MID1: variants seen among roughly 807,000 people sequenced by gnomAD.
MID1 encodes E3 ubiquitin-protein ligase Midline-1.
In MID1, 7 loss-of-function variants were observed where a neutral mutation model predicts 40.4. The ratio of observed to expected loss-of-function variants is 0.17; its 90% CI spans 0.10 to 0.33. The LOEUF (loss-of-function observed/expected upper bound fraction) is 0.33. MID1 is among the 10% of genes least tolerant of loss of function. The probability of loss-of-function intolerance (pLI) is 1.00; values close to 1 mark genes in which losing one functional copy is unlikely to be tolerated. For synonymous variants in MID1, 229 were observed against 221.2 expected, an observed-to-expected ratio of 1.04 and a Z score of -0.31; for missense variants, 367 against 558.5, an observed-to-expected ratio of 0.66 and a Z score of 3.46.
chrX:10,635,236 G>A (rs1751671705), intron 1 of MID1, among the ~76,000 whole-genome samples: 1 of 111,904 alleles, frequency 8.9e-6, no homozygotes, highest in African/African-American at 3.2e-5. Context: ...ACATACTGTA[G>A]CTGCCAGTAT....
intron 2 of MID1, among the ~76,000 whole-genome samples, chrX:10,548,996 AT>A (rs1036409133): frequency 1.8e-5 from 2 of 110,326 alleles, no homozygotes; most frequent in Middle Eastern, 9.2e-3. Context: ...TTCTTAGCTG[AT>A]TTTTTTTTCT....
intron 2 of MID1, among the ~76,000 whole-genome samples, chrX:10,551,947 AT>A (rs748422347): frequency 1.8e-5 from 2 of 109,846 alleles, no homozygotes; most frequent in Admixed American, 9.7e-5. Context: ...CATGCCTGGA[AT>A]TTTTTTTTAT....
intron 1 of MID1, among the ~76,000 whole-genome samples, chrX:10,762,935 T>C (rs1396936443): frequency 7.1e-5 from 8 of 112,118 alleles, no homozygotes; most frequent in Non-Finnish European, 1.9e-5. Flanking sequence ...CTTTCCTTTA[T>C]GTTGTAGCCA....
intron 1 of MID1, among the ~76,000 whole-genome samples, chrX:10,723,118 A>G (rs1261299484): frequency 1.8e-5 from 2 of 111,987 alleles, no homozygotes; most frequent in African/African-American, 6.5e-5. Context: ...CAAAACCCCA[A>G]ACCACATGAA....
chrX:10,460,185 C>G (rs965603141), intron 7 of MID1: 16 of 263,971 alleles, frequency 6.1e-5, no homozygotes, highest in African/African-American at 3.7e-4. Context: ...TTTCTGTTGA[C>G]CCTTTGTGTC....
chrX:10,506,119 ATCAG>A, intron 3 of MID1: 1 of 837,603 alleles, frequency 1.2e-6, no homozygotes, highest in Non-Finnish European at 1.4e-6. Context: ...ATTCTAGAAT[ATCAG>A]GAGAAGTGAG....
In MID1 at chrX:10,567,243, C is replaced by T. The variant is rs200381037; in HGVS notation, c.305G>A (p.Arg102Gln). The change falls in exon 2 of 10, where the codon CGG (arginine) becomes CAG (glutamine). Residue 102 changes from arginine (R) to glutamine (Q), a missense_variant. This residue lies in a region of MID1 where 78 missense variants were observed against 112.6 expected (regional missense o/e 0.69). Coordinates refer to ENST00000317552, the MANE Select transcript of MID1 (RefSeq NM_000381.4). ...SGPNSPSETR[R>Q]ERAFDANTMT... ...GGTGTTGGCGTCAAAGGCCCGCTCC[C>T]GACGGGTCTCGCTGGGAGAGTTGGG... The T allele has an allele frequency of 1.1e-4, 129 of 1,207,162 alleles. No individual in the cohort carries two copies. Among genetic ancestry groups the T allele is most frequent in the Non-Finnish European group, 3.0e-5 (27 of 893,365 alleles).
At chrX:10,746,992 T>C (rs1396395401) in intron 1 of MID1, among the ~76,000 whole-genome samples, 1 of 110,637 alleles carries the variant, frequency 9.0e-6, no homozygotes, top group Non-Finnish European at 1.9e-5. Context: ...ATAGCGTGAG[T>C]TGCTATGGAG....
intron 1 of MID1, among the ~76,000 whole-genome samples, chrX:10,703,038 T>A (rs1316251424): frequency 8.9e-6 from 1 of 111,995 alleles, no homozygotes; most frequent in Non-Finnish European, 1.9e-5. Context: ...GTGAAAAAAA[T>A]GTCTGCTGTT....
chrX:10,756,805 T>C (rs1569162937), intron 1 of MID1, among the ~76,000 whole-genome samples: 1 of 112,138 alleles, frequency 8.9e-6, no homozygotes, highest in Non-Finnish European at 1.9e-5. Context: ...GTGGCATATA[T>C]AGATTTCCAG....
chrX:10,704,213 A>G (rs749569192), intron 1 of MID1, among the ~76,000 whole-genome samples: 3 of 112,336 alleles, frequency 2.7e-5, no homozygotes, highest in African/African-American at 9.7e-5. Flanking sequence ...CTTACTTTTT[A>G]AAGTGGTTAT....
intron 8 of MID1, among the ~76,000 whole-genome samples, chrX:10,456,753 C>T (rs926317290): frequency 8.9e-6 from 1 of 111,888 alleles, no homozygotes; most frequent in Admixed American, 9.5e-5. Flanking sequence ...ACGAGTATCA[C>T]TTGAACCCGG....
intron 1 of MID1, among the ~76,000 whole-genome samples, chrX:10,641,268 G>C (rs1164499185): frequency 9.0e-6 from 1 of 111,446 alleles, no homozygotes; most frequent in African/African-American, 3.3e-5. Context: ...TTGATAGACT[G>C]CTAGCAAGAT....
intron 1 of MID1, among the ~76,000 whole-genome samples, chrX:10,675,831 G>A (rs1486751726): frequency 9.0e-6 from 1 of 111,567 alleles, no homozygotes; most frequent in African/African-American, 3.3e-5. Flanking sequence ...TGAAGGAAAC[G>A]TGTACCTATT....
intron 1 of MID1, among the ~76,000 whole-genome samples, chrX:10,814,562 G>A (rs772478410): frequency 1.0e-5 from 1 of 96,654 alleles, no homozygotes; most frequent in South Asian, 5.1e-4. Context: ...GATTTCTTCA[G>A]TTTTGCTTGT....
intron 1 of MID1, among the ~76,000 whole-genome samples, chrX:10,734,726 T>C (rs1452897927): frequency 9.0e-6 from 1 of 111,446 alleles, no homozygotes; most frequent in African/African-American, 3.3e-5. Flanking sequence ...TGAGTCCATG[T>C]CTATGGTGGT....
chrX:10,808,827 G>C (rs1405637540), intron 1 of MID1, among the ~76,000 whole-genome samples: 1 of 111,829 alleles, frequency 8.9e-6, no homozygotes, highest in Non-Finnish European at 1.9e-5. Flanking sequence ...AAAAACCCTA[G>C]AAGAAAACCT....
intron 7 of MID1, among the ~76,000 whole-genome samples, chrX:10,464,607 T>G (rs1307248964): frequency 8.9e-6 from 1 of 111,962 alleles, no homozygotes; most frequent in African/African-American, 3.2e-5. Context: ...TACTCCTTCA[T>G]CTCTGCAATC....
intron 1 of MID1, among the ~76,000 whole-genome samples, chrX:10,756,013 C>T (rs12849558): frequency 0.085 from 9,459 of 111,906 alleles, 425 homozygotes; most frequent in Non-Finnish European, 0.13. Context: ...GAATAGAATT[C>T]TACTCTGTGA....
Sources: allele counts gnomAD v4.1 joint callset (sites outside exome capture counted in the v4.1 genomes callset), GRCh38; gene constraint gnomAD v4.1.1; regional missense constraint gnomAD v4.1.1; transcripts MANE v1.5; gene names NCBI Gene and HGNC (gene_info 2026-07-23, HGNC 2026-07-21).